Variants in SCD5 observed in about 807,000 individuals in gnomAD.
SCD5 encodes stearoyl-CoA desaturase 5.
In SCD5, 20 loss-of-function variants were observed where a neutral mutation model predicts 30.4. The observed-to-expected ratio is 0.66, with a 90% CI of 0.46 to 0.96. The LOEUF is 0.96. SCD5 is among the 40% of genes least tolerant of loss of function. The pLI is 0.00. For missense variants in SCD5, 381 were observed against 443.3 expected, an observed-to-expected ratio of 0.86 and a Z score of 1.26; for synonymous variants, 173 against 176.4, an observed-to-expected ratio of 0.98 and a Z score of 0.16.
intron 3 of SCD5, among the ~76,000 whole-genome samples, chr4:82,655,316 G>A (rs530359664): frequency 2.0e-5 from 3 of 152,112 alleles, no homozygotes; most frequent in African/African-American, 7.2e-5. Context: ...TATGAACAAA[G>A]CAAGGTGGAA....
rs3821973 is a variant in SCD5, at chr4:82,705,271, C to T, written c.363+12G>A. 1.7e-4 allele frequency: 272 copies of T among 1,614,018 alleles called. 3 individuals carry two copies. The East Asian group carries it at 5.2e-3, about 31-fold the overall frequency. ...TGGGTCTCCCAACACAGAGAGGACC[C>T]TCCATCCTCACCTGGAAAGCCATGG... On this transcript the variant is annotated intron_variant, in intron 2 of 4. Coordinates refer to ENST00000319540, the MANE Select transcript of SCD5 (RefSeq NM_001037582.3).
chr4:82,780,401 A>G (rs1318625810), intron 1 of SCD5, among the ~76,000 whole-genome samples: 3 of 152,204 alleles, frequency 2.0e-5, no homozygotes. Context: ...TAGGAATGAT[A>G]GCTTGCTTAC....
At chr4:82,658,644 T>C (rs58742642) in intron 3 of SCD5, among the ~76,000 whole-genome samples, 11 of 68,254 alleles carry the variant, frequency 1.6e-4, no homozygotes, top group South Asian at 9.3e-4. Context: ...TTTTTTTTTT[T>C]TTTTTTTTTT....
intron 2 of SCD5, chr4:82,697,912 G>A (rs1719730126): frequency 1.1e-5 from 5 of 438,196 alleles, no homozygotes; most frequent in African/African-American, 2.0e-5. Flanking sequence ...GCTTAGAGAC[G>A]ACCAAGCTAT....
chr4:82,745,932 ATCTC>A (rs1720973419), intron 1 of SCD5, among the ~76,000 whole-genome samples: 2 of 152,218 alleles, frequency 1.3e-5, no homozygotes, highest in African/African-American at 4.8e-5. Flanking sequence ...AAGTTATTGA[ATCTC>A]TCTATGCTTC....
intron 1 of SCD5, among the ~76,000 whole-genome samples, chr4:82,714,057 C>A (rs1720168549): frequency 1.3e-5 from 2 of 152,332 alleles, no homozygotes; most frequent in East Asian, 1.9e-4. Flanking sequence ...ACTCATCCTA[C>A]CCATACATTA....
chr4:82,699,281 G>A (rs1578027045), intron 2 of SCD5, among the ~76,000 whole-genome samples: 1 of 152,250 alleles, frequency 6.6e-6, no homozygotes, highest in South Asian at 2.1e-4. Flanking sequence ...CCCCTCTTCT[G>A]TCACATAAAT....
intron 1 of SCD5, among the ~76,000 whole-genome samples, chr4:82,760,733 C>T (rs1721345752): frequency 6.6e-6 from 1 of 152,190 alleles, no homozygotes; most frequent in Non-Finnish European, 1.5e-5. Flanking sequence ...ACAAGGCTGC[C>T]CTTTTGGATT....
At chr4:82,709,551 TTAAAAGA>T (rs1428282770) in intron 1 of SCD5, among the ~76,000 whole-genome samples, 2 of 152,168 alleles carry the variant, frequency 1.3e-5, no homozygotes, top group Non-Finnish European at 2.9e-5. Flanking sequence ...AGGCTAACAC[TTAAAAGA>T]TAAGAAGTCA....
intron 2 of SCD5, 86 bp from the exon 3 acceptor site, chr4:82,680,998 A>T: frequency 9.8e-7 from 1 of 1,025,508 alleles, no homozygotes. Context: ...CCCCTCCCCC[A>T]CCAGTCCTCA....
intron 1 of SCD5, among the ~76,000 whole-genome samples, chr4:82,708,366 C>G (rs1367989706): frequency 6.6e-6 from 1 of 152,118 alleles, no homozygotes; most frequent in Non-Finnish European, 1.5e-5. Context: ...CAATCAAAAA[C>G]CAACCATTGG....
At chr4:82,744,737 AT>A (rs942142744) in intron 1 of SCD5, among the ~76,000 whole-genome samples, 1 of 152,138 alleles carries the variant, frequency 6.6e-6, no homozygotes, top group African/African-American at 2.4e-5. Context: ...TGCTTGAAGA[AT>A]TTAGGTATCA....
intron 1 of SCD5, among the ~76,000 whole-genome samples, chr4:82,736,913 A>C (rs1466154617): frequency 6.6e-6 from 1 of 152,036 alleles, no homozygotes; most frequent in Non-Finnish European, 1.5e-5. Flanking sequence ...TGATCCTCCC[A>C]CCTCAGCCTT....
At chr4:82,670,644 T>C (rs1406659670) in intron 3 of SCD5, among the ~76,000 whole-genome samples, 1 of 151,802 alleles carries the variant, frequency 6.6e-6, no homozygotes, top group Non-Finnish European at 1.5e-5. Context: ...ATCAATTCCA[T>C]ATCAATTCCA....
At chr4:82,705,246 T>G (rs769787146) in intron 2 of SCD5, 37 bp downstream of exon 2, 13 of 1,610,328 alleles carry the variant, frequency 8.1e-6, no homozygotes, top group Non-Finnish European at 1.0e-5. Flanking sequence ...CCATCTGCAC[T>G]GGGTCTCCCA....
chr4:82,660,608 A>G, intron 3 of SCD5: 1 of 1,294,840 alleles, frequency 7.7e-7, no homozygotes, highest in Admixed American at 3.5e-5. Flanking sequence ...TAAGGTAGGT[A>G]TCATTATTAC....
chr4:82,798,282 G>A lies in SCD5; in HGVS notation c.232+24C>T, dbSNP rs1222322201. ...GCGGCCTGGCCACGGAGGCCGGGGC[G>A]CAGGGGGCGCCGGCGGGACTTACCC... is the stretch of plus-strand genomic sequence containing the variant. On this transcript the variant is annotated intron_variant, in intron 1 of 4. Coordinates refer to ENST00000319540, the MANE Select transcript of SCD5 (RefSeq NM_001037582.3). The A allele has an allele frequency of 2.6e-6, 4 of 1,546,670 alleles. No homozygotes were observed. In the African/African-American group the frequency reaches 4.3e-5, roughly 17 times the overall value.
At chr4:82,652,405 T>A (rs1176813193) in intron 3 of SCD5, among the ~76,000 whole-genome samples, 1 of 152,060 alleles carries the variant, frequency 6.6e-6, no homozygotes, top group Non-Finnish European at 1.5e-5. Context: ...TAGGGTGAAG[T>A]GGAGGAAGAA....
rs151237355 is a variant in SCD5, at chr4:82,641,693, G to A, written c.570-4870C>T. ...AGGAGATAAAGTAGGAATAATGGGGGATCAAGTTTGGAGGGTCTCATAGGA... is the reference window on the plus strand; with the variant it reads ...AGGAGATAAAGTAGGAATAATGGGGAATCAAGTTTGGAGGGTCTCATAGGA... On this transcript the variant is annotated intron_variant, in intron 3 of 4. Coordinates refer to ENST00000319540, the MANE Select transcript of SCD5 (RefSeq NM_001037582.3). 1.1e-3 allele frequency among the ~76,000 whole-genome samples: 174 copies of A among 152,222 alleles called. 1 individual carries two copies. Among genetic ancestry groups the A allele is most frequent in the African/African-American group, 3.9e-3 (163 of 41,526 alleles).
Sources: gnomAD v4.1 joint callset for allele counts (sites outside exome capture counted in the v4.1 genomes callset) on GRCh38, gnomAD v4.1.1 for gene constraint, MANE v1.5 for transcripts, NCBI Gene and HGNC (gene_info 2026-07-23, HGNC 2026-07-21) for gene names.